PDZD7: variants seen among roughly 807,000 people sequenced by gnomAD.
The protein encoded by PDZD7 is PDZ domain-containing protein 7.
In PDZD7, 72 loss-of-function variants were observed where a neutral mutation model predicts 84.7. That is an observed-to-expected ratio of 0.85 (90% CI 0.70 to 1.03). PDZD7 has a LOEUF of 1.03. Among genes scored for constraint, PDZD7 ranks in the 50% least tolerant of loss-of-function variants. PDZD7 has a pLI of 0.00. For missense variants in PDZD7, 1,490 were observed against 1,412.9 expected, an observed-to-expected ratio of 1.05 and a Z score of -0.87; for synonymous variants, 594 against 580.7, an observed-to-expected ratio of 1.02 and a Z score of -0.33.
chr10:101,017,748 TAC>T (rs1366833828), intron 9 of PDZD7: 2 of 571,340 alleles, frequency 3.5e-6, no homozygotes, highest in African/African-American at 2.0e-5. Flanking sequence ...ATGGTGCCAT[TAC>T]ACTCTCGCCT....
At chr10:101,010,965 G>A (rs1417017152) in intron 14 of PDZD7, 82 bp from the exon 15 acceptor site, 11 of 1,529,118 alleles carry the variant, frequency 7.2e-6, no homozygotes, top group Non-Finnish European at 9.6e-6. Context: ...TGGGGCCTGT[G>A]AGAGCCAGGC....
intron 2 of PDZD7, 120 bp from the exon 3 acceptor site, chr10:101,024,188 G>GTCACAC (rs1937586629): frequency 7.1e-7 from 1 of 1,414,104 alleles, no homozygotes; most frequent in Non-Finnish European, 9.9e-7. Flanking sequence ...CAGGCACGTA[G>GTCACAC]GGGCCTAAAT....
intron 2 of PDZD7, among the ~76,000 whole-genome samples, chr10:101,026,021 A>G (rs918779676): frequency 1.3e-5 from 2 of 152,236 alleles, no homozygotes; most frequent in South Asian, 2.1e-4. Context: ...ACAAAGGGAA[A>G]GAAACCCCAG....
Position 101,023,604 on chromosome 10 carries a change from G to C in PDZD7, c.374C>G (p.Ala125Gly). The C allele has an allele frequency of 3.7e-6, 6 of 1,611,752 alleles. No homozygotes were observed. The highest frequency in any genetic ancestry group is 5.1e-6 in the Non-Finnish European group (6 of 1,180,008). Residue 125 changes from alanine to glycine, a missense_variant, in exon 4 of 17, where the codon GCT (alanine) becomes GGT (glycine). Transcript: ENST00000619208. ...GATCTTGTCCCCCACGCACAGGCCA[G>C]CCCGCTCTGCACCACAGGATGGGAG... ...KVEEGSSAER[A>G]GLCVGDKITE...
chr10:101,029,353 C>T (rs1226506111), intron 2 of PDZD7, among the ~76,000 whole-genome samples: 1 of 144,106 alleles, frequency 6.9e-6, no homozygotes, highest in Non-Finnish European at 1.5e-5. Flanking sequence ...TCTCTAGGTC[C>T]CTTGTAACAC....
At position 101,016,281 on chromosome 10, in the gene PDZD7, G is replaced by T. The variant is rs1368041165; in HGVS notation, c.1573+96C>A. 5 of 1,293,272 alleles carry T rather than the reference G, an allele frequency of 3.9e-6. No individual in the cohort carries two copies. The African/African-American group carries it at 5.9e-5, about 15-fold the overall frequency. 80.1% of individuals were successfully genotyped at this position (1,293,272 alleles called of 1,614,324 possible). A position where few individuals can be genotyped will look rare whatever the true frequency, so the allele number is the denominator to read the frequency against. On this transcript the variant is annotated intron_variant, in intron 10 of 16. Transcript: ENST00000619208. ...TGATCCCCCATGCTTGACCCTGACTGAATTTAGTCCAGAGCCACTCAGCTG... is the reference window on the plus strand; with the variant it reads ...TGATCCCCCATGCTTGACCCTGACTTAATTTAGTCCAGAGCCACTCAGCTG...
chr10:101,023,136 A>G, intron 4 of PDZD7: 1 of 340,572 alleles, frequency 2.9e-6, no homozygotes, highest in Middle Eastern at 9.7e-4. Flanking sequence ...GCTAGGCCCC[A>G]TTTCTAATCC....
intron 15 of PDZD7, among the ~76,000 whole-genome samples, chr10:101,009,641 C>G (rs1406551386): frequency 3.2e-5 from 3 of 93,316 alleles, no homozygotes; most frequent in African/African-American, 1.2e-4. Flanking sequence ...GAGTTTCACT[C>G]TTGTTGCCCA....
At chr10:101,019,542 G>GCTTCCTCCTCCTCCTCCT (rs1348526288) in intron 7 of PDZD7, among the ~76,000 whole-genome samples, 1 of 89,240 alleles carries the variant, frequency 1.1e-5, no homozygotes, top group Non-Finnish European at 2.9e-5. Context: ...TTCTGCTTCT[G>GCTTCCTCCTCCTCCTCCT]CCTCCTCCTC....
intron 14 of PDZD7, 44 bp from the exon 15 acceptor site, chr10:101,010,927 C>T (rs1358722667): frequency 2.8e-6 from 4 of 1,449,822 alleles, no homozygotes; most frequent in East Asian, 2.4e-5. Context: ...CTCCCCTCTC[C>T]AGGACCCAGG....
At chr10:101,011,801 G>T (rs750609127) in intron 13 of PDZD7, 40 bp from the exon 14 acceptor site, 54 of 1,550,374 alleles carry the variant, frequency 3.5e-5, no homozygotes, top group Non-Finnish European at 4.4e-5. Flanking sequence ...AAGGTACCCC[G>T]CCAGGCTCCG....
At position 101,010,894 on chromosome 10, in the gene PDZD7, G is replaced by T; in HGVS notation, c.2006-11C>A. On this transcript the variant is annotated splice_polypyrimidine_tract_variant and intron_variant, in intron 14 of 16. Coordinates refer to ENST00000619208, the MANE Select transcript of PDZD7 (RefSeq NM_001195263.2). ...AGCCTCCGCGGCTGTCTGGGGAAGA[G>T]CGCCAAGGTCAGCTGCCCACTCCTC... is the stretch of plus-strand genomic sequence containing the variant. The T allele has an allele frequency of 6.5e-7, 1 of 1,529,862 alleles. No individual in the cohort carries two copies. Among genetic ancestry groups the T allele is most frequent in the Non-Finnish European group, 8.7e-7 (1 of 1,146,458 alleles). 94.8% of individuals were successfully genotyped at this position (1,529,862 alleles called of 1,614,324 possible).
In PDZD7 at chr10:101,024,025, C is replaced by T. The variant is rs1417243784; in HGVS notation, c.270G>A (p.Glu90=). The stretch of plus-strand genomic sequence containing the variant: ...AGCCCAGCCTCCCTGCTGGACTCTT[C>T]TCCACCCGGACTGAATGGATGATGT... ...ESDIIHSVRV[E]KSPAGRLGFS... The change falls in exon 3 of 17, where the codon GAG becomes GAA. Residue 90 remains glutamate (E), a synonymous_variant. Transcript: ENST00000619208. 2 of 1,614,152 alleles carry T rather than the reference C, an allele frequency of 1.2e-6. No individual in the cohort carries two copies. The highest frequency in any genetic ancestry group is 1.3e-5 in the African/African-American group (1 of 74,950).
chr10:101,023,238 A>T, intron 4 of PDZD7, 198 bp downstream of exon 4: 1 of 648,250 alleles, frequency 1.5e-6, no homozygotes, highest in East Asian at 2.8e-5. Flanking sequence ...GGGATCTGGG[A>T]GAGCAGAGCT....
intron 2 of PDZD7, among the ~76,000 whole-genome samples, chr10:101,026,063 A>G (rs988419538): frequency 6.6e-6 from 1 of 152,178 alleles, no homozygotes; most frequent in East Asian, 1.9e-4. Flanking sequence ...TATGTGCCCA[A>G]GGCGGCCCTC....
Position 101,010,814 on chromosome 10 carries a change from C to T in PDZD7, c.2075G>A (p.Arg692Lys). The T allele has an allele frequency of 6.5e-7, 1 of 1,535,408 alleles. No individual in the cohort carries two copies. The highest frequency in any genetic ancestry group is 8.7e-7 in the Non-Finnish European group (1 of 1,146,894). ...GACCTTGAGGGCCCCCAGCCGCTCCCTCAGCTCCCCATTATCTTCCTCTTC... is the reference window on the plus strand; with the variant it reads ...GACCTTGAGGGCCCCCAGCCGCTCCTTCAGCTCCCCATTATCTTCCTCTTC... ...FPEEEDNGEL[R>K]ERLGALKVSP... Residue 692 changes from arginine (R) to lysine (K), a missense_variant, in exon 15 of 17, where the codon AGG becomes AAG. Coordinates refer to ENST00000619208, the MANE Select transcript of PDZD7 (RefSeq NM_001195263.2).
Position 101,010,673 on chromosome 10 carries a change from G to T in PDZD7, c.2216C>A (p.Pro739His), listed in dbSNP as rs1852365281. The T allele has an allele frequency of 3.3e-6, 5 of 1,523,178 alleles. No individual in the cohort carries two copies. Among genetic ancestry groups the T allele is most frequent in the Non-Finnish European group, 4.4e-6 (5 of 1,137,968 alleles). The allele number at this position is 1,523,178 out of a possible 1,614,324, so 94.4% of individuals were successfully genotyped here. The change falls in exon 15 of 17, where the codon CCC becomes CAC. Residue 739 changes from proline to histidine, a missense_variant. Pro to His is a moderately conservative substitution (Grantham distance 77, BLOSUM62 -2). Transcript: ENST00000619208. ...CCGCAGGGGCCGGGGAGCCACGGGGGGTAGCTGGGGAGGGGGTGTGCAGGC... is the reference window on the plus strand; with the variant it reads ...CCGCAGGGGCCGGGGAGCCACGGGGTGTAGCTGGGGAGGGGGTGTGCAGGC... ...RIACTPPPQL[P>H]PVAPRPLRPN...
Position 101,009,270 on chromosome 10 carries a change from A to G in PDZD7, c.2698T>C (p.Phe900Leu), listed in dbSNP as rs1381855360. The change falls in exon 16 of 17, where the codon TTC becomes CTC. Residue 900 changes from phenylalanine (F) to leucine (L), a missense_variant. By Grantham distance (22) the Phe-to-Leu change is conservative. Transcript: ENST00000619208. ...IEKIFPGGAAFLSGALQAGFE... is the reference protein window; with the variant it reads ...IEKIFPGGAALLSGALQAGFE... ...CCCACCTGCAGGGCCCCACTGAGGA[A>G]AGCGGCCCCCCCAGGGAAGATCTTC... 1 of 1,535,844 alleles carries G rather than the reference A, an allele frequency of 6.5e-7. No homozygotes were observed. The highest frequency in any genetic ancestry group is 1.4e-5 in the African/African-American group (1 of 73,016).
intron 2 of PDZD7, among the ~76,000 whole-genome samples, chr10:101,025,887 C>T (rs1288363173): frequency 6.6e-6 from 1 of 152,136 alleles, no homozygotes; most frequent in Non-Finnish European, 1.5e-5. Context: ...AGCCTCCCAT[C>T]TTTGGAGGCA....
Sources: allele counts gnomAD v4.1 joint callset (sites outside exome capture counted in the v4.1 genomes callset), GRCh38; gene constraint gnomAD v4.1.1; transcripts MANE v1.5; gene names NCBI Gene and HGNC (gene_info 2026-07-23, HGNC 2026-07-21).